Variants in GPLD1 observed in about 807,000 individuals in gnomAD.
GPLD1 encodes the protein glycosylphosphatidylinositol specific phospholipase D1.
In GPLD1, 84 loss-of-function variants were observed where a neutral mutation model predicts 112.6. That is an observed-to-expected ratio of 0.75 (90% CI 0.63 to 0.89). The LOEUF is 0.89. Among genes scored for constraint, GPLD1 ranks in the 40% least tolerant of loss-of-function variants. The pLI is 0.00. For missense variants in GPLD1, 1,044 were observed against 1,051.5 expected (o/e 0.99, Z 0.10); for synonymous variants, 386 against 403.8 (o/e 0.96, Z 0.53).
chr6:24,488,996 C>CT (rs1051317064), intron 1 of GPLD1, among the ~76,000 whole-genome samples: 2 of 152,184 alleles, frequency 1.3e-5, no homozygotes, highest in African/African-American at 4.8e-5. Flanking sequence ...ACATATGGCT[C>CT]TTTACATATA....
chr6:24,438,793 T>A (rs1171511209), intron 20 of GPLD1, among the ~76,000 whole-genome samples: 1 of 149,126 alleles, frequency 6.7e-6, no homozygotes, highest in South Asian at 2.1e-4. Flanking sequence ...TCCTTTTTCT[T>A]TTTTTATTAT....
At chr6:24,475,558 A>T (rs1763982989) in intron 4 of GPLD1, among the ~76,000 whole-genome samples, 1 of 144,254 alleles carries the variant, frequency 6.9e-6, no homozygotes, top group African/African-American at 2.7e-5. Context: ...AAAAAACCAC[A>T]CACAGGCCGG....
At chr6:24,474,323 G>A (rs1009115789) in intron 5 of GPLD1, among the ~76,000 whole-genome samples, 3 of 152,142 alleles carry the variant, frequency 2.0e-5, no homozygotes, top group South Asian at 2.1e-4. Flanking sequence ...CTAACAGAAT[G>A]TAATTAACAT....
At chr6:24,472,545 CT>C in intron 7 of GPLD1, 36 bp downstream of exon 7, 1 of 1,237,166 alleles carries the variant, frequency 8.1e-7, no homozygotes, top group Non-Finnish European at 1.2e-6. Flanking sequence ...CTAAATGCCA[CT>C]TAGATACCAC....
Position 24,448,228 on chromosome 6 carries a change from A to G in GPLD1, c.1447-20T>C. On this transcript the variant is annotated intron_variant, in intron 15 of 24. Transcript: ENST00000230036. ...GGCACCCTAGATAAGGACAAACAGC[A>G]GATAGACATGAGGCTCTGGTGGTGA... 4 of 1,549,746 alleles carry G rather than the reference A, an allele frequency of 2.6e-6. No homozygotes were observed. The highest frequency in any genetic ancestry group is 3.6e-6 in the Non-Finnish European group (4 of 1,125,076).
intron 14 of GPLD1, 40 bp from the exon 15 acceptor site, chr6:24,449,939 G>GCCC (rs764991497): frequency 4.4e-6 from 6 of 1,361,536 alleles, no homozygotes; most frequent in South Asian, 1.2e-5. Context: ...GCTGAGCCAC[G>GCCC]GCCTCGGAAA....
upstream of GPLD1, among the ~76,000 whole-genome samples, chr6:24,491,769 C>T (rs1416732350): frequency 6.6e-6 from 1 of 151,750 alleles, no homozygotes; most frequent in African/African-American, 2.4e-5. Flanking sequence ...TCTCATTATG[C>T]ATTTTTTTGT....
In GPLD1 at chr6:24,437,045, C is replaced by G. The variant is rs1237442536; in HGVS notation, c.2197+68G>C. ...TTATAAGGGCAGAGCCCAGATGACC[C>G]AATTAGGGGACCCACCCCCTGGGCA... is the stretch of plus-strand genomic sequence containing the variant. On this transcript the variant is annotated intron_variant, in intron 21 of 24. Coordinates refer to ENST00000230036, the MANE Select transcript of GPLD1 (RefSeq NM_001503.4). 2.8e-6 allele frequency: 4 copies of G among 1,406,922 alleles called. No individual in the cohort carries two copies. The East Asian group carries it at 9.1e-5, about 32-fold the overall frequency. 87.2% of individuals were successfully genotyped at this position (1,406,922 alleles called of 1,614,324 possible). A position where few individuals can be genotyped will look rare whatever the true frequency, so the allele number is the denominator to read the frequency against.
chr6:24,471,398 G>A (rs1404835755), intron 7 of GPLD1, among the ~76,000 whole-genome samples: 1 of 151,984 alleles, frequency 6.6e-6, no homozygotes, highest in East Asian at 1.9e-4. Context: ...GGAAGTTGGA[G>A]TTTGCAGTGA....
chr6:24,440,420 G>A (rs752334369), intron 20 of GPLD1, among the ~76,000 whole-genome samples: 3 of 151,822 alleles, frequency 2.0e-5, no homozygotes, highest in African/African-American at 7.3e-5. Flanking sequence ...CTCCAGCCTG[G>A]GCAACAGAGC....
intron 21 of GPLD1, 123 bp downstream of exon 21, chr6:24,436,990 C>G (rs759791336): frequency 1.3e-4 from 116 of 890,374 alleles, no homozygotes; most frequent in Non-Finnish European, 1.9e-4. Context: ...CAAGATCTGT[C>G]TAAAGGTCCT....
intron 3 of GPLD1, among the ~76,000 whole-genome samples, chr6:24,478,571 A>T (rs553300491): frequency 6.6e-6 from 1 of 152,286 alleles, no homozygotes; most frequent in East Asian, 1.9e-4. Flanking sequence ...ACCTGCTTCA[A>T]CTAGCTTCGT....
At chr6:24,440,581 C>CAAAAAAAAAAAAAAAAAAAAAA (rs58480061) in intron 20 of GPLD1, among the ~76,000 whole-genome samples, 3 of 118,528 alleles carry the variant, frequency 2.5e-5, no homozygotes, top group Non-Finnish European at 3.5e-5. Context: ...AAAAAATACT[C>CAAAAAAAAAAAAAAAAAAAAAA]AAAAAAAAAA....
At position 24,460,263 on chromosome 6, in the gene GPLD1, A is replaced by G; in HGVS notation, c.1008+16T>C. On this transcript the variant is annotated intron_variant, in intron 12 of 24. Coordinates refer to ENST00000230036, the MANE Select transcript of GPLD1 (RefSeq NM_001503.4). ...GCAGCATTCCTCTTTCTCAACTTAG[A>G]GCAGAAAATTCTTACCGGGGTCCAG... The G allele has an allele frequency of 6.2e-7, 1 of 1,613,628 alleles. No individual in the cohort carries two copies. Among genetic ancestry groups the G allele is most frequent in the Non-Finnish European group, 8.5e-7 (1 of 1,179,640 alleles).
intron 1 of GPLD1, among the ~76,000 whole-genome samples, chr6:24,488,720 A>G (rs1029920992): frequency 6.6e-6 from 1 of 152,166 alleles, no homozygotes; most frequent in Non-Finnish European, 1.5e-5. Context: ...TCTTAAATTT[A>G]TACAATTTTT....
At chr6:24,436,769 T>C (rs1762591408) in intron 21 of GPLD1, 33 bp from the exon 22 acceptor site, 1 of 1,606,166 alleles carries the variant, frequency 6.2e-7, no homozygotes, top group Non-Finnish European at 8.5e-7. Context: ...GAAGGAAGTA[T>C]TTGACTCCTC....
chr6:24,466,100 T>C (rs1391661931), intron 10 of GPLD1, among the ~76,000 whole-genome samples: 1 of 152,226 alleles, frequency 6.6e-6, no homozygotes, highest in Admixed American at 6.5e-5. Context: ...ATCCCAGCAC[T>C]TTGGGAGACC....
intron 13 of GPLD1, among the ~76,000 whole-genome samples, chr6:24,456,032 TA>T (rs997864363): frequency 1.1e-4 from 16 of 152,224 alleles, no homozygotes; most frequent in African/African-American, 3.6e-4. Flanking sequence ...AAAATTTTTT[TA>T]ATCAAATAAA....
chr6:24,466,844 A>C, intron 9 of GPLD1, 25 bp from the exon 10 acceptor site: 1 of 1,603,216 alleles, frequency 6.2e-7, no homozygotes, highest in Non-Finnish European at 8.5e-7. Context: ...AAGAAAAAAT[A>C]AAATGAATAT....
Sources: allele counts gnomAD v4.1 joint callset (sites outside exome capture counted in the v4.1 genomes callset), GRCh38; gene constraint gnomAD v4.1.1; transcripts MANE v1.5; gene names NCBI Gene and HGNC (gene_info 2026-07-23, HGNC 2026-07-21).